ARMH3: variants seen among roughly 807,000 people sequenced by gnomAD.
ARMH3 encodes armadillo like helical domain containing 3.
Under a neutral mutation model 99.1 loss-of-function variants are expected in ARMH3, and 60 were observed. That is an observed-to-expected ratio of 0.61 (90% confidence interval 0.49 to 0.75). The LOEUF (loss-of-function observed/expected upper bound fraction) is 0.75. ARMH3 is among the 30% of genes least tolerant of loss of function. The probability of loss-of-function intolerance (pLI) is 0.00; values close to 1 mark genes in which losing one functional copy is unlikely to be tolerated. For missense variants in ARMH3, 679 were observed against 843.1 expected, an observed-to-expected ratio of 0.81 and a Z score of 2.41; for synonymous variants, 285 against 292.8, an observed-to-expected ratio of 0.97 and a Z score of 0.27.
chr10:102,029,848 A>G (rs1047128244), intron 4 of ARMH3, 103 bp from the exon 5 acceptor site: 9 of 1,153,064 alleles, frequency 7.8e-6, no homozygotes, highest in East Asian at 7.3e-5. Flanking sequence ...AATAAATTCA[A>G]TTTCTCTGAG....
chr10:101,989,485 C>A (rs1190812473), intron 19 of ARMH3, among the ~76,000 whole-genome samples: 1 of 152,172 alleles, frequency 6.6e-6, no homozygotes, highest in Non-Finnish European at 1.5e-5. Context: ...CACTGGGAGG[C>A]TGAAGTGGGC....
At chr10:101,948,803 T>C (rs1564784655) in intron 22 of ARMH3, among the ~76,000 whole-genome samples, 1 of 151,444 alleles carries the variant, frequency 6.6e-6, no homozygotes, top group African/African-American at 2.4e-5. Context: ...CAAGTGCATG[T>C]GGAATGGACC....
At chr10:101,871,516 T>A (rs949465032) in intron 24 of ARMH3, among the ~76,000 whole-genome samples, 1 of 152,194 alleles carries the variant, frequency 6.6e-6, no homozygotes, top group African/African-American at 2.4e-5. Flanking sequence ...TGCACATACA[T>A]GTTCAATTGA....
intron 5 of ARMH3, among the ~76,000 whole-genome samples, chr10:102,027,278 CAAAA>C (rs1228063848): frequency 1.8e-5 from 1 of 56,486 alleles, no homozygotes; most frequent in Non-Finnish European, 3.9e-5. Context: ...GATTCCGTCT[CAAAA>C]AAAAAAAAAA....
rs139067777 is a variant in ARMH3 at position 102,030,225 on chromosome 10, C to T, written c.307-480G>A. 5.9e-5 allele frequency among the ~76,000 whole-genome samples: 9 copies of T among 152,234 alleles called. No homozygotes were observed. The East Asian group carries it at 1.7e-3, about 29-fold the overall frequency. On this transcript the variant is annotated intron_variant, in intron 4 of 25. Coordinates refer to ENST00000370033, the MANE Select transcript of ARMH3 (RefSeq NM_024541.3). The stretch of plus-strand genomic sequence containing the variant: ...TGTGAGCCACTGTGCCCAGCCCAGT[C>T]TGAGTCTCAGTATGTGCAAAATCCA...
intron 14 of ARMH3, among the ~76,000 whole-genome samples, chr10:102,003,309 C>T (rs926843773): frequency 1.3e-5 from 2 of 152,020 alleles, no homozygotes; most frequent in Non-Finnish European, 2.9e-5. Context: ...ATTACAGGCA[C>T]CCACCACCAT....
At position 102,026,961 on chromosome 10, in the gene ARMH3, T is replaced by C. The variant is rs1373992143; in HGVS notation, c.415-1713A>G. 4.6e-5 allele frequency among the ~76,000 whole-genome samples: 7 copies of C among 152,150 alleles called. No individual in the cohort carries two copies. The South Asian group carries it at 6.2e-4, about 13-fold the overall frequency. On this transcript the variant is annotated intron_variant, in intron 5 of 25. Coordinates refer to ENST00000370033, the MANE Select transcript of ARMH3 (RefSeq NM_024541.3). ...AGTGCCTACCACAGTACCTGGCATA[T>C]AGGGGCCCAACAAATATTTGTCAAA... is the stretch of plus-strand genomic sequence containing the variant.
chr10:102,031,188 C>T (rs866075948), intron 4 of ARMH3, among the ~76,000 whole-genome samples: 3 of 152,190 alleles, frequency 2.0e-5, no homozygotes, highest in Admixed American at 6.5e-5. Context: ...CCACTACTTA[C>T]TAGCTGTGAG....
At chr10:101,870,921 C>CA (rs1290198999) in intron 24 of ARMH3, among the ~76,000 whole-genome samples, 5 of 151,976 alleles carry the variant, frequency 3.3e-5, no homozygotes, top group African/African-American at 4.8e-5. Context: ...GCCTGGATGA[C>CA]AGAGTAAGAC....
intron 24 of ARMH3, among the ~76,000 whole-genome samples, chr10:101,878,137 A>G (rs1426724928): frequency 1.3e-5 from 2 of 152,094 alleles, no homozygotes; most frequent in Non-Finnish European, 2.9e-5. Context: ...GTGCGCCTGT[A>G]ATCCCAACTA....
chr10:102,016,765 A>T (rs1334371598), intron 8 of ARMH3, among the ~76,000 whole-genome samples: 3 of 152,232 alleles, frequency 2.0e-5, no homozygotes, highest in African/African-American at 7.2e-5. Context: ...TCTACTTTTC[A>T]TCCACAAGAC....
intron 24 of ARMH3, among the ~76,000 whole-genome samples, chr10:101,868,089 C>A (rs2067046927): frequency 6.6e-6 from 1 of 152,018 alleles, no homozygotes; most frequent in Admixed American, 6.6e-5. Context: ...ACAGGATTTA[C>A]TACAGAGTCA....
At chr10:101,877,176 G>T (rs930851442) in intron 24 of ARMH3, among the ~76,000 whole-genome samples, 4 of 152,304 alleles carry the variant, frequency 2.6e-5, no homozygotes, top group African/African-American at 9.6e-5. Flanking sequence ...GGTAGCACAT[G>T]CCTGTAGTCC....
chr10:102,037,134 T>C (rs1453713601), intron 2 of ARMH3, among the ~76,000 whole-genome samples: 1 of 151,264 alleles, frequency 6.6e-6, no homozygotes, highest in Non-Finnish European at 1.5e-5. Context: ...CATCACTAGT[T>C]AAGTCCTGAT....
Position 101,847,493 on chromosome 10 carries a change from A to G in ARMH3, c.*35T>C. The G allele has an allele frequency of 7.5e-6, 12 of 1,589,612 alleles. No individual in the cohort carries two copies. The highest frequency in any genetic ancestry group is 1.0e-5 in the Non-Finnish European group (12 of 1,157,872). ...CCTCCAGCCCATGATCCTCATGGGT[A>G]AGGGCAGTCAGAGGCTGCTCAGGTA... On this transcript the variant is annotated 3_prime_UTR_variant, in exon 26 of 26. Transcript: ENST00000370033.
chr10:101,859,452 A>G (rs1022596979), intron 24 of ARMH3, among the ~76,000 whole-genome samples: 1 of 152,254 alleles, frequency 6.6e-6, no homozygotes, highest in African/African-American at 2.4e-5. Context: ...TTCAAGGCTC[A>G]GCCCTGACAC....
chr10:101,918,979 T>C (rs1421251663), intron 23 of ARMH3, among the ~76,000 whole-genome samples: 1 of 152,186 alleles, frequency 6.6e-6, no homozygotes, highest in African/African-American at 2.4e-5. Flanking sequence ...TTAACCTAAA[T>C]CTAAATCTAG....
rs897977927 is a variant in ARMH3, at chr10:102,020,683, GA to G, written c.669+2793del. 1.8e-3 allele frequency among the ~76,000 whole-genome samples: 157 copies of G among 87,546 alleles called. No individual in the cohort carries two copies. The Middle Eastern group carries it at 0.019, about 11-fold the overall frequency. 57.4% of individuals were successfully genotyped at this position (87,546 alleles called of 152,430 possible). ...CCTGGGCGACAGAGACTCCATCTCA[GA>G]AAAAAAAAAAAAAAAAAAATTAGCC... On this transcript the variant is annotated intron_variant, in intron 8 of 25. Coordinates refer to ENST00000370033, the MANE Select transcript of ARMH3 (RefSeq NM_024541.3).
At chr10:102,054,199 G>A (rs2067780320) in intron 1 of ARMH3, among the ~76,000 whole-genome samples, 1 of 151,962 alleles carries the variant, frequency 6.6e-6, no homozygotes, top group African/African-American at 2.4e-5. Context: ...GACCAGCCTG[G>A]CCAATATGGT....
Sources: gnomAD v4.1 joint callset for allele counts (sites outside exome capture counted in the v4.1 genomes callset) on GRCh38, gnomAD v4.1.1 for gene constraint, MANE v1.5 for transcripts, NCBI Gene and HGNC (gene_info 2026-07-23, HGNC 2026-07-21) for gene names.